PDCD6IP: variants seen among roughly 807,000 people sequenced by gnomAD.
PDCD6IP encodes programmed cell death 6-interacting protein.
A neutral mutation model predicts 103.7 loss-of-function variants in PDCD6IP; 43 were observed. That is an observed-to-expected ratio of 0.41 (90% confidence interval 0.32 to 0.53). PDCD6IP has a LOEUF of 0.53. PDCD6IP is among the 20% of genes least tolerant of loss of function. The probability of loss-of-function intolerance (pLI) is 0.16; values close to 1 mark genes in which losing one functional copy is unlikely to be tolerated. For missense variants in PDCD6IP, 871 were observed against 1,036.7 expected (o/e 0.84, Z 2.20); for synonymous variants, 354 against 378.7 (o/e 0.93, Z 0.76).
chr3:33,823,655 G>A (rs1441299034), intron 4 of PDCD6IP, among the ~76,000 whole-genome samples: 7 of 152,038 alleles, frequency 4.6e-5, no homozygotes, highest in African/African-American at 9.7e-5. Context: ...GATGGTGGGC[G>A]CCTGTAGTCT....
At chr3:33,811,076 G>A (rs1405525974) in intron 1 of PDCD6IP, 1 of 439,904 alleles carries the variant, frequency 2.3e-6, no homozygotes, top group South Asian at 1.6e-5. Flanking sequence ...AGTAGAGACA[G>A]GGTTTTGCTG....
chr3:33,819,824 A>AT (rs1696947836), intron 3 of PDCD6IP, among the ~76,000 whole-genome samples: 1 of 152,210 alleles, frequency 6.6e-6, no homozygotes. Flanking sequence ...GCTATTGTAG[A>AT]TTCTTTTTTA....
At chr3:33,857,327 T>C (rs1329298451) in intron 15 of PDCD6IP, among the ~76,000 whole-genome samples, 1 of 152,068 alleles carries the variant, frequency 6.6e-6, no homozygotes, top group Non-Finnish European at 1.5e-5. Context: ...ATTACAGGTG[T>C]GCACCACCAC....
chr3:33,838,573 T>C (rs1019011857), intron 9 of PDCD6IP, among the ~76,000 whole-genome samples: 1 of 134,486 alleles, frequency 7.4e-6, no homozygotes, highest in Non-Finnish European at 1.6e-5. Flanking sequence ...GAGGTATTTA[T>C]TTGGAAATGA....
chr3:33,825,645 C>A (rs1354788088), intron 5 of PDCD6IP, among the ~76,000 whole-genome samples: 1 of 152,152 alleles, frequency 6.6e-6, no homozygotes, highest in East Asian at 1.9e-4. Flanking sequence ...TTATTGGATA[C>A]TTACTCTGTG....
Position 33,817,228 on chromosome 3 carries a change from A to G in PDCD6IP, c.334+3600A>G, listed in dbSNP as rs890266258. 8.5e-5 allele frequency among the ~76,000 whole-genome samples: 13 copies of G among 152,234 alleles called. No homozygotes were observed. The East Asian group carries it at 2.1e-3, about 25-fold the overall frequency. On this transcript the variant is annotated intron_variant, in intron 3 of 17. Coordinates refer to ENST00000307296, the MANE Select transcript of PDCD6IP (RefSeq NM_013374.6). The stretch of plus-strand genomic sequence containing the variant: ...CACTCCTCATACAGAACTCAGAGTA[A>G]TTCCTCCTCCCTCGAGTTGTGCACT...
chr3:33,811,259 GT>G (rs1400536380), intron 1 of PDCD6IP: 2 of 180,422 alleles, frequency 1.1e-5, no homozygotes, highest in African/African-American at 4.8e-5. Flanking sequence ...TAATTGGATA[GT>G]TTTTCCTGTT....
intron 9 of PDCD6IP, among the ~76,000 whole-genome samples, chr3:33,841,433 CTTTTTTTTT>C (rs1301369045): frequency 3.3e-5 from 2 of 60,946 alleles, no homozygotes; most frequent in Non-Finnish European, 2.9e-5. Context: ...CTTTGCTTTG[CTTTTTTTTT>C]TTTTTTTTTT....
At chr3:33,823,311 G>A (rs1483367035) in intron 4 of PDCD6IP, among the ~76,000 whole-genome samples, 2 of 152,050 alleles carry the variant, frequency 1.3e-5, no homozygotes, top group Admixed American at 6.6e-5. Flanking sequence ...GCTTTTTCCC[G>A]TTGTTTATGT....
intron 8 of PDCD6IP, among the ~76,000 whole-genome samples, chr3:33,837,238 A>G (rs1575927275): frequency 6.6e-6 from 1 of 152,096 alleles, no homozygotes; most frequent in East Asian, 1.9e-4. Flanking sequence ...TAAACATGTA[A>G]ACTTCTGGAG....
chr3:33,829,800 T>C (rs1038965073), intron 7 of PDCD6IP, among the ~76,000 whole-genome samples: 1 of 152,114 alleles, frequency 6.6e-6, no homozygotes, highest in African/African-American at 2.4e-5. Flanking sequence ...GGGTAATTGA[T>C]AAAGAACAGA....
intron 12 of PDCD6IP, among the ~76,000 whole-genome samples, chr3:33,845,792 T>G (rs1194695918): frequency 6.6e-6 from 1 of 152,230 alleles, no homozygotes; most frequent in African/African-American, 2.4e-5. Context: ...AACTTCCATT[T>G]ATTGAATGCC....
rs546933124 is a variant in PDCD6IP, at chr3:33,807,860, A to G, written c.210-4212A>G. Among the ~76,000 whole-genome samples the G allele has an allele frequency of 3.9e-5, 6 of 152,294 alleles. No homozygotes were observed. The South Asian group carries it at 6.2e-4, about 16-fold the overall frequency. ...TTTTCCCAGCAGAGTCTAGAATATC[A>G]CTGTTCAGAAAAAGTTTGCCAGTCC... On this transcript the variant is annotated intron_variant, in intron 1 of 17. Coordinates refer to ENST00000307296, the MANE Select transcript of PDCD6IP (RefSeq NM_013374.6).
At chr3:33,844,042 A>G (rs1482442959) in intron 10 of PDCD6IP, 70 bp from the exon 11 acceptor site, 2 of 932,226 alleles carry the variant, frequency 2.1e-6, no homozygotes, top group East Asian at 2.6e-5. Context: ...GTGTATGAAC[A>G]TTTATTAAAT....
chr3:33,824,380 C>T (rs1697064411), intron 4 of PDCD6IP, among the ~76,000 whole-genome samples: 2 of 152,022 alleles, frequency 1.3e-5, no homozygotes, highest in Non-Finnish European at 2.9e-5. Flanking sequence ...GCCTCAGCCT[C>T]CCGAGCAGCT....
At chr3:33,833,767 T>C (rs1199883535) in intron 7 of PDCD6IP, among the ~76,000 whole-genome samples, 1 of 152,212 alleles carries the variant, frequency 6.6e-6, no homozygotes, top group Non-Finnish European at 1.5e-5. Flanking sequence ...TTTTTCCTTA[T>C]GGTTTTTTTG....
chr3:33,850,288 T>TA (rs1697685366), intron 12 of PDCD6IP, among the ~76,000 whole-genome samples: 1 of 152,154 alleles, frequency 6.6e-6, no homozygotes, highest in South Asian at 2.1e-4. Flanking sequence ...TCTATGTAAT[T>TA]ACATTTTTTT....
At chr3:33,818,684 A>G (rs1696920048) in intron 3 of PDCD6IP, among the ~76,000 whole-genome samples, 1 of 151,578 alleles carries the variant, frequency 6.6e-6, no homozygotes, top group South Asian at 2.1e-4. Context: ...ACGTCCAGCT[A>G]ATTTTTGTAC....
chr3:33,810,622 A>G (rs550532560), intron 1 of PDCD6IP, among the ~76,000 whole-genome samples: 14 of 152,196 alleles, frequency 9.2e-5, no homozygotes, highest in Admixed American at 9.2e-4. Context: ...ACTTGTTTTT[A>G]TTTCTCTCTG....
Sources: gnomAD v4.1 joint callset for allele counts (sites outside exome capture counted in the v4.1 genomes callset) on GRCh38, gnomAD v4.1.1 for gene constraint, MANE v1.5 for transcripts, NCBI Gene and HGNC (gene_info 2026-07-23, HGNC 2026-07-21) for gene names.